The following ZNF527 variants were observed in gnomAD, a reference collection of about 807,000 sequenced individuals.
The protein encoded by ZNF527 is zinc finger protein 527.
In ZNF527, 5 loss-of-function variants were observed where a neutral mutation model predicts 13.5. The observed-to-expected ratio is 0.37, with a 90% CI of 0.19 to 0.78. ZNF527 has a LOEUF of 0.78. Ranked by LOEUF, ZNF527 falls within the 30% of genes least tolerant of loss-of-function variation. ZNF527 has a pLI of 0.48. For synonymous variants in ZNF527, 209 were observed against 243.1 expected (o/e 0.86, Z 1.30); for missense variants, 628 against 726.4 (o/e 0.86, Z 1.56).
intron 4 of ZNF527, among the ~76,000 whole-genome samples, chr19:37,382,068 T>C (rs1240350982): frequency 6.6e-6 from 1 of 152,178 alleles, no homozygotes; most frequent in African/African-American, 2.4e-5. Context: ...CATGCCCCCA[T>C]GCATTTTTTG....
intron 2 of ZNF527, among the ~76,000 whole-genome samples, chr19:37,376,692 A>C (rs1408883257): frequency 6.8e-6 from 1 of 147,022 alleles, no homozygotes; most frequent in Non-Finnish European, 1.5e-5. Flanking sequence ...CAAAAAAAAA[A>C]AAAAAAAAAA....
chr19:37,373,840 G>T (rs1363075303), intron 1 of ZNF527, among the ~76,000 whole-genome samples: 2 of 152,200 alleles, frequency 1.3e-5, no homozygotes, highest in Non-Finnish European at 2.9e-5. Flanking sequence ...CATGTGCCTG[G>T]AGTGTGGCGA....
At chr19:37,382,869 G>A (rs2040665613) in intron 4 of ZNF527, among the ~76,000 whole-genome samples, 1 of 152,048 alleles carries the variant, frequency 6.6e-6, no homozygotes. Context: ...ACCACGCCTG[G>A]CTAATTTTTG....
chr19:37,389,350 G>A lies in ZNF527; in HGVS notation c.1301G>A (p.Arg434Lys). Reference sequence around the variant, plus strand: ...CGCATAGCCCTTACTCTACATCAAAGAATTCACACAGGAGAGAAACCCTTC... The same window carrying A: ...CGCATAGCCCTTACTCTACATCAAAAAATTCACACAGGAGAGAAACCCTTC... ...SRRIALTLHQ[R>K]IHTGEKPFKC... Residue 434 changes from arginine to lysine, a missense_variant, in exon 5 of 5, where the codon AGA becomes AAA. By Grantham distance (26) the Arg-to-Lys change is conservative. This residue lies in a region of ZNF527 where 592 missense variants were observed against 678.0 expected (regional missense o/e 0.87). Coordinates refer to ENST00000436120, the MANE Select transcript of ZNF527 (RefSeq NM_032453.2). The A allele has an allele frequency of 6.2e-7, 1 of 1,614,178 alleles. No homozygotes were observed. The highest frequency in any genetic ancestry group is 1.7e-5 in the Admixed American group (1 of 60,010).
At position 37,379,121 on chromosome 19, in the gene ZNF527, G is replaced by T. The variant is rs1471260319; in HGVS notation, c.35G>T (p.Gly12Val). 3 of 1,613,892 alleles carry T rather than the reference G, an allele frequency of 1.9e-6. No homozygotes were observed. The African/African-American group carries it at 4.0e-5, about 22-fold the overall frequency. ...AVGLCKAMSQGLVTFRDVALD... is the reference protein window; with the variant it reads ...AVGLCKAMSQVLVTFRDVALD... ...TGAACAAGAATTTTTTTATTTCAGGGGTTGGTGACCTTCAGAGATGTGGCG... is the reference window on the plus strand; with the variant it reads ...TGAACAAGAATTTTTTTATTTCAGGTGTTGGTGACCTTCAGAGATGTGGCG... The change falls in exon 3 of 5, where the codon GGG (glycine) becomes GTG (valine). Residue 12 changes from glycine (G) to valine (V), a missense_variant and splice_region_variant. By Grantham distance (109) the Gly-to-Val change is moderately radical. Around this residue, in one of 3 missense-constraint regions of ZNF527, gnomAD observed 33 missense variants for 31.2 expected, o/e 1.06. Coordinates refer to ENST00000436120, the MANE Select transcript of ZNF527 (RefSeq NM_032453.2).
intron 4 of ZNF527, 40 bp downstream of exon 4, chr19:37,380,412 G>T (rs781208687): frequency 7.7e-6 from 12 of 1,566,506 alleles, no homozygotes; most frequent in Non-Finnish European, 9.7e-6. Context: ...CTATTGTAAG[G>T]TACTCAACCA....
intron 2 of ZNF527, among the ~76,000 whole-genome samples, chr19:37,375,493 C>T (rs1470404099): frequency 1.3e-5 from 2 of 151,338 alleles, no homozygotes; most frequent in East Asian, 3.9e-4. Flanking sequence ...TTCCGGGTAG[C>T]TGGGACTATA....
At chr19:37,384,843 T>C in intron 4 of ZNF527, 1 of 668,320 alleles carries the variant, frequency 1.5e-6, no homozygotes. Context: ...GCTCATACAT[T>C]TTTTTGTTTT....
intron 2 of ZNF527, among the ~76,000 whole-genome samples, chr19:37,375,858 G>A (rs1481939048): frequency 1.3e-5 from 2 of 152,164 alleles, no homozygotes; most frequent in Non-Finnish European, 2.9e-5. Context: ...GGTTCTGGAA[G>A]CCAAGAGGAG....
At chr19:37,377,056 A>C (rs949937113) in intron 2 of ZNF527, among the ~76,000 whole-genome samples, 1 of 152,154 alleles carries the variant, frequency 6.6e-6, no homozygotes, top group Non-Finnish European at 1.5e-5. Context: ...TTACGGGAAG[A>C]GTTTTGTTAT....
Position 37,388,881 on chromosome 19 carries a change from G to A in ZNF527, c.832G>A (p.Glu278Lys). Reference protein sequence around the residue: ...HFGKLPHGYDECGDAFSCYSF... With the variant: ...HFGKLPHGYDKCGDAFSCYSF... ...TGGAAAATTACCCCATGGATACGAT[G>A]AATGTGGTGATGCCTTTAGCTGTTA... The change falls in exon 5 of 5, where the codon GAA becomes AAA. Residue 278 changes from glutamate to lysine, a missense_variant. Coordinates refer to ENST00000436120, the MANE Select transcript of ZNF527 (RefSeq NM_032453.2). 2 of 1,614,182 alleles carry A rather than the reference G, an allele frequency of 1.2e-6. No homozygotes were observed. The highest frequency in any genetic ancestry group is 1.7e-6 in the Non-Finnish European group (2 of 1,180,036).
chr19:37,373,789 C>A (rs1041093723), intron 1 of ZNF527, among the ~76,000 whole-genome samples: 1 of 152,088 alleles, frequency 6.6e-6, no homozygotes, highest in Non-Finnish European at 1.5e-5. Context: ...GTCCACAACC[C>A]TGAAGAAGGG....
At chr19:37,384,772 T>C (rs1423735195) in intron 4 of ZNF527, 2 of 530,718 alleles carry the variant, frequency 3.8e-6, no homozygotes, top group Non-Finnish European at 6.8e-6. Context: ...ACTAGTGATA[T>C]TATTGAGCAT....
At chr19:37,377,833 C>G (rs1051848031) in intron 2 of ZNF527, among the ~76,000 whole-genome samples, 2 of 152,038 alleles carry the variant, frequency 1.3e-5, no homozygotes, top group South Asian at 2.1e-4. Context: ...CCTTTCATCT[C>G]TTGCTTGTGG....
chr19:37,384,833 G>C, intron 4 of ZNF527: 1 of 663,068 alleles, frequency 1.5e-6, no homozygotes, highest in Non-Finnish European at 2.8e-6. Context: ...TGAATTACCT[G>C]CTCATACATT....
Position 37,389,439 on chromosome 19 carries a change from C to T in ZNF527, c.1390C>T (p.His464Tyr). 2 of 1,614,138 alleles carry T rather than the reference C, an allele frequency of 1.2e-6. No homozygotes were observed. The highest frequency in any genetic ancestry group is 1.7e-6 in the Non-Finnish European group (2 of 1,180,038). The change falls in exon 5 of 5, where the codon CAT (histidine) becomes TAT (tyrosine). Residue 464 changes from histidine (H) to tyrosine (Y), a missense_variant. By Grantham distance (83) the His-to-Tyr change is moderately conservative. Coordinates refer to ENST00000436120, the MANE Select transcript of ZNF527 (RefSeq NM_032453.2). The part of the protein sequence containing the change: ...RSHLNQHQRI[H>Y]TGEKPYECIK... ...ACACCTGAATCAACATCAGAGAATT[C>T]ATACCGGAGAAAAGCCCTATGAATG...
intron 4 of ZNF527, among the ~76,000 whole-genome samples, chr19:37,386,129 C>CCTTT (rs1568696497): frequency 2.0e-5 from 2 of 101,538 alleles, no homozygotes; most frequent in East Asian, 2.8e-4. Flanking sequence ...ACTTTCTTTT[C>CCTTT]TCTTCTTTTC....
Position 37,389,972 on chromosome 19 carries a change from A to G in ZNF527, c.*93A>G, listed in dbSNP as rs141536000. ...TTTTGGTTAGTAATTCTTTGAATGT[A>G]GTTCATATTTCAGTTCATGAGTATC... On this transcript the variant is annotated 3_prime_UTR_variant, in exon 5 of 5. Coordinates refer to ENST00000436120, the MANE Select transcript of ZNF527 (RefSeq NM_032453.2). 5.2e-5 allele frequency: 75 copies of G among 1,442,062 alleles called. 1 individual carries two copies. The African/African-American group carries it at 8.4e-4, about 16-fold the overall frequency. The allele number at this position is 1,442,062 out of a possible 1,614,324, so 89.3% of individuals were successfully genotyped here.
At chr19:37,373,898 C>T (rs1219100414) in intron 1 of ZNF527, among the ~76,000 whole-genome samples, 3 of 152,110 alleles carry the variant, frequency 2.0e-5, no homozygotes, top group Non-Finnish European at 1.5e-5. Flanking sequence ...CAGCCAGGGG[C>T]CAGATCATGA....
Sources: gnomAD v4.1 joint callset for allele counts (sites outside exome capture counted in the v4.1 genomes callset) on GRCh38, gnomAD v4.1.1 for gene constraint, gnomAD v4.1.1 regional missense constraint, MANE v1.5 for transcripts, NCBI Gene and HGNC (gene_info 2026-07-23, HGNC 2026-07-21) for gene names.